PTPN14: variants seen among roughly 807,000 people sequenced by gnomAD.
The protein encoded by PTPN14 is protein tyrosine phosphatase non-receptor type 14.
A neutral mutation model predicts 126.8 loss-of-function variants in PTPN14; 53 were observed. The observed-to-expected ratio is 0.42, with a 90% CI of 0.34 to 0.53. PTPN14 has a LOEUF of 0.53. Ranked by LOEUF, PTPN14 falls within the 20% of genes least tolerant of loss-of-function variation. The pLI is 0.08. For missense variants in PTPN14, 1,257 were observed against 1,552.9 expected (o/e 0.81, Z 3.20); for synonymous variants, 630 against 599.3 (o/e 1.05, Z -0.75).
intron 15 of PTPN14, among the ~76,000 whole-genome samples, chr1:214,374,954 T>A (rs186626615): frequency 6.6e-6 from 1 of 152,324 alleles, no homozygotes; most frequent in Admixed American, 6.5e-5. Context: ...TGGAATACAT[T>A]ACTTTGGTCA....
rs1161890104 is a variant in PTPN14 at position 214,547,959 on chromosome 1, CAT to C, written c.-155+3222_-155+3223del. The stretch of plus-strand genomic sequence containing the variant: ...AAAGCTTTATGTGTATGTTGACACA[CAT>C]GTGAATTCAGGCTGCTGAAAAAAAT... On this transcript the variant is annotated intron_variant, in intron 1 of 18. Coordinates refer to ENST00000366956, the MANE Select transcript of PTPN14 (RefSeq NM_005401.5). 4.0e-5 allele frequency among the ~76,000 whole-genome samples: 6 copies of C among 151,566 alleles called. No individual in the cohort carries two copies. The South Asian group carries it at 8.4e-4, about 21-fold the overall frequency.
chr1:214,473,404 G>A (rs889978426), intron 1 of PTPN14, among the ~76,000 whole-genome samples: 4 of 152,276 alleles, frequency 2.6e-5, no homozygotes, highest in East Asian at 3.9e-4. Flanking sequence ...CATGGTCACC[G>A]CACTTTCTTT....
intron 13 of PTPN14, among the ~76,000 whole-genome samples, chr1:214,382,577 C>T (rs1003711349): frequency 1.3e-5 from 2 of 152,186 alleles, no homozygotes; most frequent in Admixed American, 1.3e-4. Context: ...AGTGCTCTTC[C>T]TACCTCAGCC....
chr1:214,449,060 G>A (rs1180343590), intron 3 of PTPN14, among the ~76,000 whole-genome samples: 1 of 129,728 alleles, frequency 7.7e-6, no homozygotes, highest in Non-Finnish European at 1.6e-5. Context: ...AAGCTGGACT[G>A]CAGTGGCGCT....
intron 1 of PTPN14, among the ~76,000 whole-genome samples, chr1:214,507,705 T>G (rs1305229244): frequency 6.6e-6 from 1 of 152,208 alleles, no homozygotes; most frequent in African/African-American, 2.4e-5. Flanking sequence ...ACCACTGCGA[T>G]AAAACGAATC....
intron 5 of PTPN14, among the ~76,000 whole-genome samples, chr1:214,406,479 A>G (rs1428160640): frequency 6.9e-6 from 1 of 144,468 alleles, no homozygotes; most frequent in Non-Finnish European, 1.5e-5. Flanking sequence ...AGATTGTCTG[A>G]AAAAAAAAAA....
chr1:214,391,870 A>T (rs1658760914), intron 10 of PTPN14, among the ~76,000 whole-genome samples: 1 of 152,184 alleles, frequency 6.6e-6, no homozygotes, highest in South Asian at 2.1e-4. Context: ...TTTTTAAATG[A>T]CTGGCTAAAT....
chr1:214,518,316 A>G (rs539495359), intron 1 of PTPN14, among the ~76,000 whole-genome samples: 1 of 152,348 alleles, frequency 6.6e-6, no homozygotes, highest in African/African-American at 2.4e-5. Flanking sequence ...CTAATAAAAG[A>G]AACTCCCTAA....
At chr1:214,380,883 C>T (rs2102533172) in intron 13 of PTPN14, among the ~76,000 whole-genome samples, 1 of 152,304 alleles carries the variant, frequency 6.6e-6, no homozygotes, top group Admixed American at 6.5e-5. Flanking sequence ...ACCACCTTGC[C>T]TGGCCTCCTG....
At chr1:214,519,522 G>A (rs1241763364) in intron 1 of PTPN14, among the ~76,000 whole-genome samples, 1 of 151,980 alleles carries the variant, frequency 6.6e-6, no homozygotes. Flanking sequence ...TACATTCCAG[G>A]GACAGTTTCA....
chr1:214,499,735 T>C (rs1654633573), intron 1 of PTPN14, among the ~76,000 whole-genome samples: 1 of 152,182 alleles, frequency 6.6e-6, no homozygotes, highest in Admixed American at 6.5e-5. Flanking sequence ...ATCAAATGAA[T>C]GCTCCATAAA....
At position 214,507,476 on chromosome 1, in the gene PTPN14, A is replaced by G. The variant is rs528562249; in HGVS notation, c.-154-42519T>C. Among the ~76,000 whole-genome samples the G allele has an allele frequency of 2.0e-5, 3 of 152,352 alleles. No homozygotes were observed. The East Asian group carries it at 5.8e-4, about 29-fold the overall frequency. The stretch of plus-strand genomic sequence containing the variant: ...TTTTTATAATTAATCCTGAGTCAGT[A>G]TAGCTCATCCTAGAAGAACACTTTC... On this transcript the variant is annotated intron_variant, in intron 1 of 18. Transcript: ENST00000366956.
At chr1:214,436,719 G>A (rs988089802) in intron 3 of PTPN14, among the ~76,000 whole-genome samples, 1 of 151,110 alleles carries the variant, frequency 6.6e-6, no homozygotes, top group Non-Finnish European at 1.5e-5. Context: ...CCCGGGAGGC[G>A]GAGGTTGCAG....
intron 3 of PTPN14, among the ~76,000 whole-genome samples, chr1:214,422,628 G>A (rs1426399550): frequency 6.6e-6 from 1 of 152,158 alleles, no homozygotes. Context: ...CCTGGTAAAC[G>A]GCCACGTTCC....
chr1:214,531,509 C>CACACACACACACAA (rs1655547313), intron 1 of PTPN14: 1 of 147,192 alleles, frequency 6.8e-6, no homozygotes, highest in Non-Finnish European at 1.5e-5. Context: ...AACACACACA[C>CACACACACACACAA]ACACACACAC....
intron 1 of PTPN14, among the ~76,000 whole-genome samples, chr1:214,491,397 A>G (rs1661248470): frequency 1.3e-5 from 2 of 152,130 alleles, no homozygotes; most frequent in Admixed American, 6.5e-5. Flanking sequence ...AACCTTTTTG[A>G]CACTAGGGAC....
chr1:214,418,099 G>A (rs1184152592), intron 3 of PTPN14, among the ~76,000 whole-genome samples: 2 of 152,194 alleles, frequency 1.3e-5, no homozygotes, highest in African/African-American at 4.8e-5. Context: ...GGGAATGGAA[G>A]CAGGAAGTGA....
At chr1:214,397,660 G>A (rs1243988161) in intron 8 of PTPN14, among the ~76,000 whole-genome samples, 1 of 152,182 alleles carries the variant, frequency 6.6e-6, no homozygotes, top group Admixed American at 6.5e-5. Flanking sequence ...CCAGACTCAC[G>A]AAGTTTAGTT....
intron 3 of PTPN14, among the ~76,000 whole-genome samples, chr1:214,433,555 T>C (rs1167630056): frequency 6.6e-6 from 1 of 151,950 alleles, no homozygotes; most frequent in East Asian, 1.9e-4. Context: ...GTATTGTGGG[T>C]AGAGATGATT....
Sources: gnomAD v4.1 joint callset for allele counts (sites outside exome capture counted in the v4.1 genomes callset) on GRCh38, gnomAD v4.1.1 for gene constraint, MANE v1.5 for transcripts, NCBI Gene and HGNC (gene_info 2026-07-23, HGNC 2026-07-21) for gene names.